Variants in WDFY2 observed in about 807,000 individuals in gnomAD.
WDFY2 encodes the protein WD repeat and FYVE domain-containing protein 2.
WDFY2 carries 36 observed loss-of-function variants against 56.4 expected under a neutral mutation model. The ratio of observed to expected loss-of-function variants is 0.64; its 90% confidence interval spans 0.49 to 0.84. The LOEUF is 0.84. WDFY2 is among the 40% of genes least tolerant of loss of function. WDFY2 has a pLI of 0.00. For synonymous variants in WDFY2, 176 were observed against 183.7 expected, an observed-to-expected ratio of 0.96 and a Z score of 0.34; for missense variants, 444 against 512.2, an observed-to-expected ratio of 0.87 and a Z score of 1.29.
intron 3 of WDFY2, among the ~76,000 whole-genome samples, chr13:51,702,266 C>T (rs933350704): frequency 5.9e-5 from 9 of 151,308 alleles, no homozygotes; most frequent in African/African-American, 9.7e-5. Context: ...GAGCCAGGAT[C>T]GCGCCACTGC....
chr13:51,759,944 AAG>A lies in WDFY2; in HGVS notation c.*176_*177del. ...GGGGACCTGGCCAGTGAGCACTCGCAAGGGGACTCTTCCAACTTGTTCATACA... is the reference window on the plus strand; with the variant it reads ...GGGGACCTGGCCAGTGAGCACTCGCAGGGACTCTTCCAACTTGTTCATACA... On this transcript the variant is annotated 3_prime_UTR_variant, in exon 12 of 12. Coordinates refer to ENST00000298125, the MANE Select transcript of WDFY2 (RefSeq NM_052950.4). The A allele has an allele frequency of 1.7e-6, 1 of 592,802 alleles. No homozygotes were observed. The highest frequency in any genetic ancestry group is 2.6e-5 in the South Asian group (1 of 38,718). The allele number at this position is 592,802 out of a possible 1,614,324, so 36.7% of individuals were successfully genotyped here.
chr13:51,742,058 CG>C (rs1952987946), intron 7 of WDFY2, among the ~76,000 whole-genome samples: 1 of 152,160 alleles, frequency 6.6e-6, no homozygotes. Context: ...GCCTGGAAAC[CG>C]GGGAGAGCAG....
At chr13:51,618,692 C>T (rs1004425632) in intron 1 of WDFY2, among the ~76,000 whole-genome samples, 3 of 152,314 alleles carry the variant, frequency 2.0e-5, no homozygotes, top group Admixed American at 6.5e-5. Context: ...CACTGCAAAC[C>T]CTCATTGCTA....
At chr13:51,664,542 A>G (rs572860655) in intron 2 of WDFY2, among the ~76,000 whole-genome samples, 10 of 152,350 alleles carry the variant, frequency 6.6e-5, no homozygotes, top group Non-Finnish European at 1.2e-4. Context: ...CAAGTGATGC[A>G]CAAGATTTTC....
chr13:51,618,364 G>A (rs1566316743), intron 1 of WDFY2, among the ~76,000 whole-genome samples: 2 of 152,176 alleles, frequency 1.3e-5, no homozygotes, highest in Non-Finnish European at 2.9e-5. Flanking sequence ...TGACAGTTTG[G>A]TGCTTTGTCT....
At chr13:51,596,172 T>C in intron 1 of WDFY2, among the ~76,000 whole-genome samples, 1 of 152,352 alleles carries the variant, frequency 6.6e-6, no homozygotes, top group East Asian at 1.9e-4. Flanking sequence ...TTTTTGAATT[T>C]ATATTTGAAT....
chr13:51,695,716 T>C (rs948194332), intron 3 of WDFY2, among the ~76,000 whole-genome samples: 11 of 152,252 alleles, frequency 7.2e-5, no homozygotes, highest in South Asian at 2.1e-4. Context: ...TCTTCAAAGC[T>C]GTCAGACAGG....
chr13:51,712,460 C>G (rs1475627724), intron 4 of WDFY2, among the ~76,000 whole-genome samples: 1 of 151,796 alleles, frequency 6.6e-6, no homozygotes, highest in Non-Finnish European at 1.5e-5. Flanking sequence ...AAAATGAAAA[C>G]ACAATATACC....
At chr13:51,607,200 A>T (rs1486887001) in intron 1 of WDFY2, among the ~76,000 whole-genome samples, 1 of 152,216 alleles carries the variant, frequency 6.6e-6, no homozygotes, top group Non-Finnish European at 1.5e-5. Flanking sequence ...AGGGTTAGTG[A>T]CTTAAAACAA....
chr13:51,601,334 A>G (rs1408615736), intron 1 of WDFY2, among the ~76,000 whole-genome samples: 1 of 152,104 alleles, frequency 6.6e-6, no homozygotes, highest in African/African-American at 2.4e-5. Context: ...CTGAATATGT[A>G]CCATCGGCCA....
chr13:51,766,454 TTCAGGGGG>T lies in WDFY2; in HGVS notation c.*6691_*6698del, dbSNP rs1398959800. The T allele has an allele frequency of 3.3e-5, 5 of 152,242 alleles. No individual in the cohort carries two copies. The highest frequency in any genetic ancestry group is 1.2e-4 in the African/African-American group (5 of 41,460). The allele number at this position is 152,242 out of a possible 1,614,324, so 9.4% of individuals were successfully genotyped here. ...TTCTTTTTTTAAAGTGAGGAGATTCTTCAGGGGGTCAGGCTGAGAATGTAATAAGCCTG... is the reference window on the plus strand; with the variant it reads ...TTCTTTTTTTAAAGTGAGGAGATTCTTCAGGCTGAGAATGTAATAAGCCTG... On this transcript the variant is annotated 3_prime_UTR_variant, in exon 12 of 12. Transcript: ENST00000298125.
At chr13:51,640,162 T>C (rs1955128175) in intron 1 of WDFY2, among the ~76,000 whole-genome samples, 1 of 152,230 alleles carries the variant, frequency 6.6e-6, no homozygotes, top group Admixed American at 6.5e-5. Flanking sequence ...GATTGCTAAG[T>C]AAATGACAAA....
At chr13:51,653,559 G>A (rs1463494126) in intron 1 of WDFY2, among the ~76,000 whole-genome samples, 1 of 152,104 alleles carries the variant, frequency 6.6e-6, no homozygotes, top group Non-Finnish European at 1.5e-5. Flanking sequence ...TTTGATGATG[G>A]TGACGTACAG....
At chr13:51,627,612 G>T (rs1443308092) in intron 1 of WDFY2, among the ~76,000 whole-genome samples, 1 of 152,018 alleles carries the variant, frequency 6.6e-6, no homozygotes, top group Non-Finnish European at 1.5e-5. Context: ...TTGAACTCCT[G>T]ACGTCAGGTG....
At chr13:51,590,847 G>A (rs748007782) in intron 1 of WDFY2, 25 of 152,088 alleles carry the variant, frequency 1.6e-4, no homozygotes, top group Non-Finnish European at 3.1e-4. Context: ...TCGGGGCAGG[G>A]AGCCTCTTCA....
intron 1 of WDFY2, 61 bp downstream of exon 1, chr13:51,584,885 C>G: frequency 6.3e-7 from 1 of 1,599,354 alleles, no homozygotes; most frequent in East Asian, 2.2e-5. Flanking sequence ...CCCTCGAGCC[C>G]GCGTCAGGGG....
intron 1 of WDFY2, among the ~76,000 whole-genome samples, chr13:51,644,837 C>A (rs546752101): frequency 2.0e-5 from 3 of 152,300 alleles, no homozygotes; most frequent in Admixed American, 2.0e-4. Flanking sequence ...CTGGACAACA[C>A]CCAGCTTGAG....
chr13:51,696,648 A>C (rs1951882751), intron 3 of WDFY2, among the ~76,000 whole-genome samples: 2 of 152,342 alleles, frequency 1.3e-5, no homozygotes, highest in South Asian at 4.1e-4. Flanking sequence ...GATCGATTTT[A>C]ATTCGCACCT....
At chr13:51,670,489 G>GCGCACACA (rs994843711) in intron 2 of WDFY2, among the ~76,000 whole-genome samples, 1 of 131,420 alleles carries the variant, frequency 7.6e-6, no homozygotes, top group African/African-American at 2.9e-5. Flanking sequence ...GTGCGCACAT[G>GCGCACACA]CACACACACA....
Sources: allele counts gnomAD v4.1 joint callset (sites outside exome capture counted in the v4.1 genomes callset), GRCh38; gene constraint gnomAD v4.1.1; transcripts MANE v1.5; gene names NCBI Gene and HGNC (gene_info 2026-07-23, HGNC 2026-07-21).